NEB: variants seen among roughly 807,000 people sequenced by gnomAD.
The protein encoded by NEB is nebulin.
In NEB, 512 loss-of-function variants were observed where a neutral mutation model predicts 952.2. The observed-to-expected ratio is 0.54, with a 90% CI of 0.50 to 0.58. NEB has a LOEUF of 0.58. Among genes scored for constraint, NEB ranks in the 20% least tolerant of loss-of-function variants. The pLI, the probability that NEB is intolerant of heterozygous loss-of-function variation, is 0.00. For synonymous variants in NEB, 2,900 were observed against 3,149.8 expected (o/e 0.92, Z 2.66); for missense variants, 8,428 against 9,231.1 (o/e 0.91, Z 3.56).
At chr2:151,533,363 G>A in intron 143 of NEB, 79 bp downstream of exon 143, 1 of 916,628 alleles carries the variant, frequency 1.1e-6, no homozygotes, top group Non-Finnish European at 1.7e-6. Flanking sequence ...GAGTGGAAGA[G>A]GAAATCAATG....
At chr2:151,680,066 G>A in intron 30 of NEB, 44 bp from the exon 31 acceptor site, 1 of 1,391,854 alleles carries the variant, frequency 7.2e-7, no homozygotes, top group Non-Finnish European at 1.0e-6. Context: ...AAAGTAGAAA[G>A]AAAATTTAAT....
At chr2:151,646,264 G>A in intron 54 of NEB, 30 bp from the exon 55 acceptor site, 2 of 1,479,816 alleles carry the variant, frequency 1.4e-6, no homozygotes, top group Non-Finnish European at 1.8e-6. Context: ...TTTTTCAGTG[G>A]TGTTGTTAGA....
At chr2:151,625,430 C>T in intron 71 of NEB, 104 bp downstream of exon 71, 1 of 812,650 alleles carries the variant, frequency 1.2e-6, no homozygotes, top group South Asian at 2.9e-5. Context: ...AAAAAGCCAA[C>T]TAAGCTAACT....
intron 130 of NEB, among the ~76,000 whole-genome samples, chr2:151,549,123 C>A (rs1484856988): frequency 6.6e-6 from 1 of 152,148 alleles, no homozygotes; most frequent in Non-Finnish European, 1.5e-5. Flanking sequence ...CCTAACTACC[C>A]CTCTAGCCTT....
Position 151,616,058 on chromosome 2 carries a change from G to T in NEB, c.11233C>A (p.Arg3745Ser). ...EESKKEGYDL[R>S]LDAIPIQAAK... ...GCTTGGATTGGAATGGCATCCAGAC[G>T]CAAGTCATAGCCTTCCTTCTTGGAC... Residue 3745 changes from arginine (R) to serine (S), a missense_variant, in exon 76 of 182, where the codon CGT (arginine) becomes AGT (serine). Transcript: ENST00000397345. 1.2e-6 allele frequency: 2 copies of T among 1,612,966 alleles called. No homozygotes were observed. Among genetic ancestry groups the T allele is most frequent in the Non-Finnish European group, 1.7e-6 (2 of 1,179,544 alleles).
intron 92 of NEB, among the ~76,000 whole-genome samples, chr2:151,595,337 C>T (rs1325460859): frequency 5.3e-5 from 8 of 151,862 alleles, no homozygotes; most frequent in Middle Eastern, 6.8e-3. Flanking sequence ...TGCAAACCTC[C>T]GCCTCCCAGG....
intron 20 of NEB, 96 bp from the exon 21 acceptor site, chr2:151,692,458 G>T: frequency 1.0e-6 from 1 of 970,796 alleles, no homozygotes; most frequent in Non-Finnish European, 1.6e-6. Flanking sequence ...AACTGAAGGG[G>T]CAAAATTTAT....
chr2:151,674,748 T>C (rs1180699063), intron 35 of NEB, among the ~76,000 whole-genome samples, 164 bp from the exon 36 acceptor site: 4 of 152,194 alleles, frequency 2.6e-5, no homozygotes, highest in Non-Finnish European at 4.4e-5. Flanking sequence ...CATGAGATCA[T>C]TGGACTCTGC....
intron 12 of NEB, among the ~76,000 whole-genome samples, chr2:151,708,545 G>T (rs1288118417): frequency 5.3e-5 from 8 of 152,054 alleles, no homozygotes; most frequent in Non-Finnish European, 1.0e-4. Flanking sequence ...CCAGAGCTCA[G>T]CCCCTAAAGT....
chr2:151,730,132 A>G (rs1392044157), intron 3 of NEB, among the ~76,000 whole-genome samples: 1 of 152,206 alleles, frequency 6.6e-6, no homozygotes, highest in African/African-American at 2.4e-5. Flanking sequence ...CATGGAAATA[A>G]TAAGATCCCA....
In NEB at chr2:151,685,767, G is replaced by A. The variant is rs543995438; in HGVS notation, c.2638-792C>T. ...ATTGTATCCACTCACCAATTACTTT[G>A]ACAGAAAAATGTTGACCCACTGCCT... On this transcript the variant is annotated intron_variant, in intron 27 of 181. Transcript: ENST00000397345. Among the ~76,000 whole-genome samples, 186 of 152,272 alleles carry A rather than the reference G, an allele frequency of 1.2e-3. 2 individuals carry two copies. Among genetic ancestry groups the A allele is most frequent in the African/African-American group, 3.9e-3 (164 of 41,550 alleles).
intron 126 of NEB, 87 bp from the exon 127 acceptor site, chr2:151,553,589 G>C (rs2095460671): frequency 1.9e-6 from 2 of 1,030,078 alleles, no homozygotes; most frequent in Admixed American, 2.3e-5. Context: ...TCTAGACTCA[G>C]AAGGCTTTGT....
intron 140 of NEB, 69 bp from the exon 141 acceptor site, chr2:151,537,305 C>G: frequency 1.2e-6 from 1 of 864,028 alleles, no homozygotes; most frequent in South Asian, 1.4e-5. Context: ...AGTATCTATA[C>G]AAGTGGAACA....
chr2:151,694,289 T>C (rs1454797240), intron 20 of NEB, 34 bp downstream of exon 20: 2 of 1,569,850 alleles, frequency 1.3e-6, no homozygotes, highest in African/African-American at 2.7e-5. Context: ...TGTGGCCACG[T>C]CTGAAAATAG....
At chr2:151,569,985 G>A in intron 109 of NEB, 96 bp downstream of exon 109, 1 of 1,231,934 alleles carries the variant, frequency 8.1e-7, no homozygotes, top group Non-Finnish European at 1.1e-6. Context: ...GTGATATGAA[G>A]TCGTAAAATG....
At chr2:151,679,218 C>T (rs1439084640) in intron 32 of NEB, among the ~76,000 whole-genome samples, 11 of 152,034 alleles carry the variant, frequency 7.2e-5, no homozygotes, top group Admixed American at 1.3e-4. Context: ...CAGTTCACAT[C>T]TTGGTTAAAG....
intron 138 of NEB, among the ~76,000 whole-genome samples, chr2:151,538,462 A>C (rs1018316857): frequency 7.2e-5 from 11 of 152,226 alleles, no homozygotes; most frequent in African/African-American, 2.2e-4. Flanking sequence ...ATAATGTATC[A>C]ATCTTGGTTC....
In NEB at chr2:151,576,288, C is replaced by T; in HGVS notation, c.16771G>A (p.Val5591Met). ...IGWMPQGSPE[V>M]LRVKNAQNIF... ...TTCTGGGCGTTTTTGACTCTCAACACTTCAGGAGACCCTTGGGGCATCCAG... is the reference window on the plus strand; with the variant it reads ...TTCTGGGCGTTTTTGACTCTCAACATTTCAGGAGACCCTTGGGGCATCCAG... Residue 5591 changes from valine (V) to methionine (M), a missense_variant, in exon 106 of 182, where the codon GTG (valine) becomes ATG (methionine). Coordinates refer to ENST00000397345, the MANE Select transcript of NEB (RefSeq NM_001164508.2). The T allele has an allele frequency of 1.9e-6, 3 of 1,610,906 alleles. No homozygotes were observed. The highest frequency in any genetic ancestry group is 2.5e-6 in the Non-Finnish European group (3 of 1,178,024).
intron 107 of NEB, among the ~76,000 whole-genome samples, chr2:151,571,263 C>T (rs993952020): frequency 1.3e-5 from 2 of 152,202 alleles, no homozygotes; most frequent in Non-Finnish European, 2.9e-5. Context: ...GCCTCGGCCT[C>T]CCAAAGTGCT....
Sources: gnomAD v4.1 joint callset for allele counts (sites outside exome capture counted in the v4.1 genomes callset) on GRCh38, gnomAD v4.1.1 for gene constraint, MANE v1.5 for transcripts, NCBI Gene and HGNC (gene_info 2026-07-23, HGNC 2026-07-21) for gene names.